PSG1: variants seen among roughly 807,000 people sequenced by gnomAD.
PSG1 encodes the protein pregnancy specific beta-1-glycoprotein 1, also known as pregnancy-specific beta-1-glycoprotein 1.
PSG1 carries 60 observed loss-of-function variants against 41.4 expected under a neutral mutation model. The observed-to-expected ratio is 1.45, with a 90% CI of 1.18 to 1.80. The LOEUF is 1.80. PSG1 is among the 40% of genes most tolerant of loss of function. The probability of loss-of-function intolerance (pLI) is 0.00; values close to 1 mark genes in which losing one functional copy is unlikely to be tolerated. For synonymous variants in PSG1, 256 were observed against 192.9 expected, an observed-to-expected ratio of 1.33 and a Z score of -2.71; for missense variants, 806 against 516.9, an observed-to-expected ratio of 1.56 and a Z score of -5.42.
intron 2 of PSG1, among the ~76,000 whole-genome samples, chr19:42,872,896 G>A (rs1344434040): frequency 6.6e-6 from 1 of 151,780 alleles, no homozygotes; most frequent in Non-Finnish European, 1.5e-5. Context: ...AACTGATGAC[G>A]GAAGTCTGGC....
At chr19:42,877,550 C>T (rs1971661518) in intron 2 of PSG1, among the ~76,000 whole-genome samples, 1 of 151,680 alleles carries the variant, frequency 6.6e-6, no homozygotes, top group Non-Finnish European at 1.5e-5. Flanking sequence ...CTGAGCTTCT[C>T]TGAGAGTATC....
In PSG1 at chr19:42,872,507, C is replaced by G. The variant is rs1191435072; in HGVS notation, c.431-462G>C. ...ATGGATGATGGAACTTCCCATTGTC[C>G]TTAAAACCTTTGGGTACTGGAAAGC... On this transcript the variant is annotated intron_variant, in intron 2 of 5. Transcript: ENST00000436291. 1.3e-5 allele frequency among the ~76,000 whole-genome samples: 2 copies of G among 151,674 alleles called. 1 individual carries two copies. The highest frequency in any genetic ancestry group is 4.8e-5 in the African/African-American group (2 of 41,302).
intron 2 of PSG1, among the ~76,000 whole-genome samples, chr19:42,873,823 G>T (rs996340814): frequency 6.6e-6 from 1 of 151,580 alleles, no homozygotes; most frequent in Admixed American, 6.6e-5. Flanking sequence ...TCTAAATTCT[G>T]TGCAGAGTTA....
intron 2 of PSG1, among the ~76,000 whole-genome samples, chr19:42,874,732 A>AGAAG (rs1568423489): frequency 4.6e-5 from 7 of 151,586 alleles, no homozygotes; most frequent in African/African-American, 1.5e-4. Context: ...CAAGCTTGTT[A>AGAAG]TACGCCTGTC....
At position 42,871,892 on chromosome 19, in the gene PSG1, A is replaced by C. The variant is rs748859454; in HGVS notation, c.584T>G (p.Leu195Arg). The C allele has an allele frequency of 3.1e-6, 5 of 1,612,396 alleles. No homozygotes were observed. In the African/African-American group the frequency reaches 6.7e-5, roughly 22 times the overall value. The change falls in exon 3 of 6, where the codon CTG (leucine) becomes CGG (arginine). Residue 195 changes from leucine to arginine, a missense_variant. Transcript: ENST00000436291. ...QSLPMTHSLKLSETNRTLFLL... is the reference protein window; with the variant it reads ...QSLPMTHSLKRSETNRTLFLL... ...AAAGAGGGTCCTGTTGGTTTCGGAC[A>C]GCTTCAAGCTGTGAGTCATAGGGAG...
chr19:42,872,081 G>T (rs752690176), intron 2 of PSG1, 36 bp from the exon 3 acceptor site: 2 of 1,589,928 alleles, frequency 1.3e-6, no homozygotes, highest in South Asian at 2.3e-5. Context: ...GCCGTGTGTG[G>T]CGCCTTTGAT....
At chr19:42,870,056 G>A (rs1182835732) in intron 3 of PSG1, 1 of 151,636 alleles carries the variant, frequency 6.6e-6, no homozygotes, top group East Asian at 1.9e-4. Flanking sequence ...AATATGAGAA[G>A]AGACTGCTGG....
rs752863659 is a variant in PSG1, at chr19:42,871,804, A to G, written c.672T>C (p.Ser224=). 15 of 1,612,358 alleles carry G rather than the reference A, an allele frequency of 9.3e-6. No homozygotes were observed. Among genetic ancestry groups the G allele is most frequent in the Non-Finnish European group, 5.9e-6 (7 of 1,179,214 alleles). ...PYECEIRNPV[S]ASRSDPVTLN... The stretch of plus-strand genomic sequence containing the variant: ...GGGTGACTGGGTCACTGCGGCTGGC[A>G]CTCACTGGGTTCCGTATTTCACATT... The change falls in exon 3 of 6, where the codon AGT becomes AGC. Residue 224 remains serine (S), a synonymous_variant. Coordinates refer to ENST00000436291, the MANE Select transcript of PSG1 (RefSeq NM_001184825.2).
rs368851419 is a variant in PSG1, at chr19:42,879,584, T to C, written c.-3A>G. 6.2e-7 allele frequency: 1 copy of C among 1,610,152 alleles called. No homozygotes were observed. Among genetic ancestry groups the C allele is most frequent in the African/African-American group, 1.3e-5 (1 of 74,576 alleles). On this transcript the variant is annotated 5_prime_UTR_variant, in exon 1 of 6. Transcript: ENST00000436291. ...GGAGGGGCTGAGAGGGTTCCCATGGTCTCTGCTGCTTGTGTGTTCTCCTCT... is the reference window on the plus strand; with the variant it reads ...GGAGGGGCTGAGAGGGTTCCCATGGCCTCTGCTGCTTGTGTGTTCTCCTCT...
At chr19:42,872,084 CCTTT>C (rs1568420808) in intron 2 of PSG1, 39 bp from the exon 3 acceptor site, 1 of 1,585,788 alleles carries the variant, frequency 6.3e-7, no homozygotes, top group African/African-American at 1.4e-5. Flanking sequence ...GTGTGTGGCG[CCTTT>C]GATTCCTCCA....
At position 42,876,207 on chromosome 19, in the gene PSG1, T is replaced by G. The variant is rs1365481856; in HGVS notation, c.430+1706A>C. On this transcript the variant is annotated intron_variant, in intron 2 of 5. Transcript: ENST00000436291. ...CAGTCAGAATGAAGTGGGAGGAAGATGAGGGACACAGAGAAGCAGAGAGAG... is the reference window on the plus strand; with the variant it reads ...CAGTCAGAATGAAGTGGGAGGAAGAGGAGGGACACAGAGAAGCAGAGAGAG... 1.3e-5 allele frequency among the ~76,000 whole-genome samples: 2 copies of G among 151,126 alleles called. 1 individual carries two copies. The highest frequency in any genetic ancestry group is 4.9e-5 in the African/African-American group (2 of 41,096).
rs748468852 is a variant in PSG1 at position 42,868,819 on chromosome 19, G to C, written c.925C>G (p.Gln309Glu). The C allele has an allele frequency of 5.3e-5, 86 of 1,611,766 alleles. No homozygotes were observed. Among genetic ancestry groups the C allele is most frequent in the East Asian group, 1.8e-4 (8 of 44,798 alleles). Reference sequence around the variant, plus strand: ...CCATATCGGTCCCGTATTTCACATTGATAGGGTCCTGTTTCATTTCTCGTG... The same window carrying C: ...CCATATCGGTCCCGTATTTCACATTCATAGGGTCCTGTTTCATTTCTCGTG... The part of the protein sequence containing the change: ...SVTRNETGPY[Q>E]CEIRDRYGGI... The change falls in exon 4 of 6, where the codon CAA becomes GAA. Residue 309 changes from glutamine to glutamate, a missense_variant. Transcript: ENST00000436291.
intron 2 of PSG1, among the ~76,000 whole-genome samples, chr19:42,877,135 A>G (rs575209763): frequency 6.6e-6 from 1 of 151,704 alleles, no homozygotes; most frequent in Non-Finnish European, 1.5e-5. Flanking sequence ...AGCATTTATT[A>G]TTAATTTGCT....
Position 42,872,046 on chromosome 19 carries a change from C to T in PSG1, c.431-1G>A, listed in dbSNP as rs755937784. On this transcript the variant is annotated splice_acceptor_variant, in intron 2 of 5. Transcript: ENST00000436291. LOFTEE classifies it high-confidence loss of function. ...GAGATGGAGGGCTTAGGAGTCTCCACTGTGCAGAAAACAGGGTGAAGATTG... is the reference window on the plus strand; with the variant it reads ...GAGATGGAGGGCTTAGGAGTCTCCATTGTGCAGAAAACAGGGTGAAGATTG... The T allele has an allele frequency of 5.0e-6, 8 of 1,610,418 alleles. No homozygotes were observed. Among genetic ancestry groups the T allele is most frequent in the Non-Finnish European group, 5.9e-6 (7 of 1,178,200 alleles).
chr19:42,879,513 C>T lies in PSG1; in HGVS notation c.64+5G>A. On this transcript the variant is annotated splice_donor_5th_base_variant and intron_variant, in intron 1 of 5. Transcript: ENST00000436291. ...CTGTCCTCTCCCAGGAAGTTCTCTC[C>T]TCACCTGTGAGCAGGAGCCCCTTCC... The T allele has an allele frequency of 2.5e-6, 4 of 1,609,760 alleles. No homozygotes were observed. The highest frequency in any genetic ancestry group is 3.4e-6 in the Non-Finnish European group (4 of 1,177,540).
At chr19:42,870,680 C>A (rs1256563655) in intron 3 of PSG1, 1 of 151,640 alleles carries the variant, frequency 6.6e-6, no homozygotes, top group Admixed American at 6.6e-5. Flanking sequence ...GAATCTGCAA[C>A]TCATTTTGGG....
chr19:42,871,714 C>T, intron 3 of PSG1, 53 bp downstream of exon 3: 2 of 1,612,478 alleles, frequency 1.2e-6, no homozygotes, highest in Admixed American at 1.7e-5. Flanking sequence ...TGGCCTCTGG[C>T]CACGTGTATT....
rs758668899 is a variant in PSG1, at chr19:42,869,035, C to G, written c.710-1G>C. ...GTGATGTAGGGCTTGGGCAGCTTCG[C>G]TGTGTGGATAACAGAGAGAAGATTG... On this transcript the variant is annotated splice_acceptor_variant, in intron 3 of 5. Coordinates refer to ENST00000436291, the MANE Select transcript of PSG1 (RefSeq NM_001184825.2). LOFTEE classifies it high-confidence loss of function. The G allele has an allele frequency of 1.9e-6, 3 of 1,606,600 alleles. No individual in the cohort carries two copies. The East Asian group carries it at 6.7e-5, about 36-fold the overall frequency.
intron 3 of PSG1, chr19:42,870,656 G>A (rs928909229): frequency 2.6e-5 from 4 of 151,608 alleles, no homozygotes; most frequent in Admixed American, 2.0e-4. Flanking sequence ...TGTGATTCTG[G>A]TAGGGGATGC....
Sources: allele counts gnomAD v4.1 joint callset (sites outside exome capture counted in the v4.1 genomes callset), GRCh38; gene constraint gnomAD v4.1.1; transcripts MANE v1.5; gene names NCBI Gene and HGNC (gene_info 2026-07-23, HGNC 2026-07-21).